The following PTTG1IP variants were observed in gnomAD, a reference collection of about 807,000 sequenced individuals.
PTTG1IP encodes PTTG1 interacting protein, also known as pituitary tumor-transforming gene 1 protein-interacting protein.
A neutral mutation model predicts 24.4 loss-of-function variants in PTTG1IP; 16 were observed. That is an observed-to-expected ratio of 0.66 (90% confidence interval 0.44 to 1.00). The LOEUF (loss-of-function observed/expected upper bound fraction) is 1.00. PTTG1IP is among the 50% of genes least tolerant of loss of function. The pLI is 0.00. For synonymous variants in PTTG1IP, 89 were observed against 96.8 expected, an observed-to-expected ratio of 0.92 and a Z score of 0.47; for missense variants, 241 against 245.8, an observed-to-expected ratio of 0.98 and a Z score of 0.13.
At chr21:44,867,754 G>A (rs1279793175) in intron 1 of PTTG1IP, among the ~76,000 whole-genome samples, 2 of 152,180 alleles carry the variant, frequency 1.3e-5, no homozygotes, top group Non-Finnish European at 2.9e-5. Flanking sequence ...ATACAAGCGC[G>A]CACCACAAAA....
At chr21:44,866,587 CCATAACACACATACACACACACAGACTG>C (rs2083542158) in intron 1 of PTTG1IP, among the ~76,000 whole-genome samples, 32 of 125,252 alleles carry the variant, frequency 2.6e-4, no homozygotes, top group Middle Eastern at 4.2e-3. Context: ...TCCCCCAATC[CCATAACACACATACACACACACAGACTG>C]CGTACTCCCC....
At chr21:44,855,320 C>A (rs1338448553) in intron 4 of PTTG1IP, 64 bp from the exon 5 acceptor site, 1 of 1,521,572 alleles carries the variant, frequency 6.6e-7, no homozygotes, top group Non-Finnish European at 9.1e-7. Flanking sequence ...CTGCTAGACA[C>A]GCCCTTCCGT....
intron 2 of PTTG1IP, chr21:44,861,592 T>G: frequency 1.5e-6 from 1 of 645,566 alleles, no homozygotes. Context: ...CACCTCATGC[T>G]CTCAGCCTCA....
At chr21:44,864,498 G>T (rs2083519702) in intron 2 of PTTG1IP, among the ~76,000 whole-genome samples, 1 of 152,254 alleles carries the variant, frequency 6.6e-6, no homozygotes, top group South Asian at 2.1e-4. Flanking sequence ...CCGGTTTCAA[G>T]AAATTCTCCT....
At chr21:44,858,475 C>T (rs1406964433) in intron 3 of PTTG1IP, among the ~76,000 whole-genome samples, 1 of 152,214 alleles carries the variant, frequency 6.6e-6, no homozygotes, top group Non-Finnish European at 1.5e-5. Context: ...GGGCCAGGCA[C>T]ACTTTCTGTT....
chr21:44,856,468 A>T (rs1415964002), intron 3 of PTTG1IP, 104 bp from the exon 4 acceptor site: 1 of 1,316,202 alleles, frequency 7.6e-7, no homozygotes, highest in East Asian at 2.5e-5. Flanking sequence ...ACACAGGAGC[A>T]TAAGGAGGAA....
Position 44,849,881 on chromosome 21 carries a change from A to G in PTTG1IP, c.*1700T>C, listed in dbSNP as rs945625103. 4 of 152,224 alleles carry G rather than the reference A, an allele frequency of 2.6e-5. No homozygotes were observed. Among genetic ancestry groups the G allele is most frequent in the Non-Finnish European group, 5.9e-5 (4 of 68,046 alleles). The allele number at this position is 152,224 out of a possible 1,614,324, so 9.4% of individuals were successfully genotyped here. A position where few individuals can be genotyped will look rare whatever the true frequency, so the allele number is the denominator to read the frequency against. On this transcript the variant is annotated 3_prime_UTR_variant, in exon 6 of 6. Transcript: ENST00000330938. ...ACAGAGTTCACTGAAGTCTATTACCAAGTGTCTTTTATGAATAAACAATAC... is the reference window on the plus strand; with the variant it reads ...ACAGAGTTCACTGAAGTCTATTACCGAGTGTCTTTTATGAATAAACAATAC...
At chr21:44,872,395 C>T (rs762687995) in intron 1 of PTTG1IP, among the ~76,000 whole-genome samples, 1 of 152,246 alleles carries the variant, frequency 6.6e-6, no homozygotes, top group Admixed American at 6.5e-5. Flanking sequence ...TAAACAGACA[C>T]TGACAGAGCC....
chr21:44,870,203 A>C (rs1295405401), intron 1 of PTTG1IP, among the ~76,000 whole-genome samples: 1 of 152,212 alleles, frequency 6.6e-6, no homozygotes, highest in African/African-American at 2.4e-5. Context: ...AGATGAAAAA[A>C]GGTCATTCTA....
chr21:44,866,626 C>CA, intron 1 of PTTG1IP, among the ~76,000 whole-genome samples: 1 of 135,686 alleles, frequency 7.4e-6, no homozygotes, highest in Non-Finnish European at 1.5e-5. Context: ...CGTACTCCCC[C>CA]AATCCCGTAA....
intron 5 of PTTG1IP, among the ~76,000 whole-genome samples, chr21:44,853,235 T>C (rs946211735): frequency 1.3e-5 from 2 of 152,090 alleles, no homozygotes; most frequent in African/African-American, 4.8e-5. Context: ...TGGCTGGGTG[T>C]GGTGGCTCAT....
intron 1 of PTTG1IP, among the ~76,000 whole-genome samples, chr21:44,866,423 AAC>A (rs34007977): frequency 0.024 from 483 of 19,768 alleles, 56 homozygotes; most frequent in Non-Finnish European, 0.038. Context: ...CCAATCCCAT[AAC>A]ACACACACAC....
At chr21:44,854,800 G>A (rs1401418619) in intron 5 of PTTG1IP, among the ~76,000 whole-genome samples, 2 of 152,178 alleles carry the variant, frequency 1.3e-5, no homozygotes, top group Non-Finnish European at 2.9e-5. Flanking sequence ...TGCTTGGAAG[G>A]AGCGCCTGCC....
At chr21:44,859,149 A>G (rs925590288) in intron 3 of PTTG1IP, among the ~76,000 whole-genome samples, 1 of 152,256 alleles carries the variant, frequency 6.6e-6, no homozygotes, top group Non-Finnish European at 1.5e-5. Context: ...TAACTGGTGC[A>G]GGCAATTGAC....
Position 44,861,226 on chromosome 21 carries a change from T to TA in PTTG1IP, c.213dup (p.Thr72TyrfsTer11). 2 of 1,614,082 alleles carry TA rather than the reference T, an allele frequency of 1.2e-6. No homozygotes were observed. Among genetic ancestry groups the TA allele is most frequent in the Non-Finnish European group, 1.7e-6 (2 of 1,179,924 alleles). On this transcript the variant is annotated frameshift_variant, in exon 3 of 6. Transcript: ENST00000330938. LOFTEE classifies it high-confidence loss of function. ...AGGGAAGCCGGTGGCAAGACGCTTG[T>TA]AACTGGGTAGTCCAGACAAGCCTTG...
chr21:44,859,728 ACCACCACCAC>A (rs1014609822), intron 3 of PTTG1IP, among the ~76,000 whole-genome samples: 3 of 152,100 alleles, frequency 2.0e-5, no homozygotes, highest in African/African-American at 7.2e-5. Flanking sequence ...GTGCACACAC[ACCACCACCAC>A]CCCCTGCCAG....
chr21:44,873,611 C>T lies in PTTG1IP; in HGVS notation c.6G>A (p.Ala2=). ...GCGTCGGCCCGCGGGCCACTCCGGGCGCCATGGTCGGCCGGTCGCTCTATC... is the reference window on the plus strand; with the variant it reads ...GCGTCGGCCCGCGGGCCACTCCGGGTGCCATGGTCGGCCGGTCGCTCTATC... M[A]PGVARGPTPY... Residue 2 remains alanine (A), a synonymous_variant, in exon 1 of 6, where the codon GCG becomes GCA. Coordinates refer to ENST00000330938, the MANE Select transcript of PTTG1IP (RefSeq NM_004339.4). 1 of 1,431,794 alleles carries T rather than the reference C, an allele frequency of 7.0e-7. No individual in the cohort carries two copies. The highest frequency in any genetic ancestry group is 9.1e-7 in the Non-Finnish European group (1 of 1,094,736). The allele number at this position is 1,431,794 out of a possible 1,614,324, so 88.7% of individuals were successfully genotyped here.
chr21:44,860,085 G>A (rs571102523), intron 3 of PTTG1IP, among the ~76,000 whole-genome samples: 15 of 152,216 alleles, frequency 9.9e-5, no homozygotes, highest in East Asian at 1.9e-4. Context: ...GGCAAACTAC[G>A]GGGCTGGGCG....
intron 1 of PTTG1IP, among the ~76,000 whole-genome samples, chr21:44,869,501 G>A (rs1424306774): frequency 6.6e-6 from 1 of 152,224 alleles, no homozygotes; most frequent in Non-Finnish European, 1.5e-5. Flanking sequence ...GTCTTGCTAT[G>A]TCACCCAGGC....
Sources: gnomAD v4.1 joint callset for allele counts (sites outside exome capture counted in the v4.1 genomes callset) on GRCh38, gnomAD v4.1.1 for gene constraint, MANE v1.5 for transcripts, NCBI Gene and HGNC (gene_info 2026-07-23, HGNC 2026-07-21) for gene names.